PID1: variants seen among roughly 807,000 people sequenced by gnomAD.
PID1 encodes phosphotyrosine interaction domain containing 1.
A neutral mutation model predicts 19.1 loss-of-function variants in PID1; 10 were observed. The ratio of observed to expected loss-of-function variants is 0.52; its 90% CI spans 0.32 to 0.89. PID1 has a LOEUF of 0.89. PID1 is among the 40% of genes least tolerant of loss of function. PID1 has a pLI of 0.03. For missense variants in PID1, 248 were observed against 285.3 expected (o/e 0.87, Z 0.94); for synonymous variants, 130 against 116.0 (o/e 1.12, Z -0.78).
intron 2 of PID1, among the ~76,000 whole-genome samples, chr2:229,041,951 T>C (rs1188375372): frequency 6.6e-6 from 1 of 152,228 alleles, no homozygotes; most frequent in African/African-American, 2.4e-5. Context: ...ACTCATTTAC[T>C]TTTAGTTTGA....
At chr2:229,238,550 A>C (rs1303541056) in intron 1 of PID1, among the ~76,000 whole-genome samples, 1 of 152,214 alleles carries the variant, frequency 6.6e-6, no homozygotes, top group East Asian at 1.9e-4. Flanking sequence ...TTACGAATAA[A>C]GTACAGCATT....
At chr2:229,033,605 AC>A (rs1693600705) in intron 2 of PID1, among the ~76,000 whole-genome samples, 1 of 152,028 alleles carries the variant, frequency 6.6e-6, no homozygotes, top group Non-Finnish European at 1.5e-5. Flanking sequence ...GGTGCAGCAA[AC>A]CACCATGGCA....
At chr2:229,139,191 C>T (rs552644660) in intron 2 of PID1, among the ~76,000 whole-genome samples, 1 of 152,142 alleles carries the variant, frequency 6.6e-6, no homozygotes, top group Admixed American at 6.5e-5. Flanking sequence ...CAAACACTCC[C>T]TTGGAATACA....
At chr2:229,097,619 A>G (rs1201178162) in intron 2 of PID1, among the ~76,000 whole-genome samples, 2 of 152,200 alleles carry the variant, frequency 1.3e-5, no homozygotes. Context: ...AGTATATTAA[A>G]GACTGAAGCA....
At chr2:229,218,409 T>C (rs1312318094) in intron 1 of PID1, among the ~76,000 whole-genome samples, 1 of 152,034 alleles carries the variant, frequency 6.6e-6, no homozygotes, top group African/African-American at 2.4e-5. Context: ...GTCCATATAC[T>C]GTCAAGTTGC....
At chr2:229,058,167 A>T (rs31279) in intron 2 of PID1, among the ~76,000 whole-genome samples, 151,603 of 152,334 alleles carry the variant, frequency 1, 75,447 homozygotes, top group Non-Finnish European at 1. Flanking sequence ...CTATATTACA[A>T]CATCCCAGGA....
rs1559251552 is a variant in PID1, at chr2:229,139,056, AG to A, written c.177+16761del. ...GAAAGAAAGAGAAAGAAAGAAAGAAAGAGAAAGAAAGAAAGAAAGAAAGAAA... is the reference window on the plus strand; with the variant it reads ...GAAAGAAAGAGAAAGAAAGAAAGAAAAGAAAGAAAGAAAGAAAGAAAGAAA... On this transcript the variant is annotated intron_variant, in intron 2 of 2. Coordinates refer to ENST00000392055, the MANE Select transcript of PID1 (RefSeq NM_001100818.2). Among the ~76,000 whole-genome samples the A allele has an allele frequency of 9.7e-4, 44 of 45,228 alleles. 1 individual carries two copies. The highest frequency in any genetic ancestry group is 8.5e-3 in the East Asian group (13 of 1,536). 29.7% of individuals were successfully genotyped at this position (45,228 alleles called of 152,430 possible). A position where few individuals can be genotyped will look rare whatever the true frequency, so the allele number is the denominator to read the frequency against.
At chr2:229,039,526 T>G (rs1434986029) in intron 2 of PID1, among the ~76,000 whole-genome samples, 1 of 152,172 alleles carries the variant, frequency 6.6e-6, no homozygotes, top group Non-Finnish European at 1.5e-5. Context: ...CTATTTAAAC[T>G]TAGAACAAAA....
intron 2 of PID1, among the ~76,000 whole-genome samples, chr2:229,114,773 C>T (rs1488160129): frequency 6.6e-6 from 1 of 152,190 alleles, no homozygotes; most frequent in African/African-American, 2.4e-5. Flanking sequence ...TTTATATACA[C>T]TTGTCTTCTT....
At chr2:229,152,528 T>C (rs928422081) in intron 2 of PID1, among the ~76,000 whole-genome samples, 15 of 151,998 alleles carry the variant, frequency 9.9e-5, no homozygotes, top group South Asian at 6.2e-4. Flanking sequence ...TCTTGCTAGA[T>C]AGGAGGAGAA....
intron 2 of PID1, among the ~76,000 whole-genome samples, chr2:229,144,412 T>G (rs1690082991): frequency 6.6e-6 from 1 of 152,140 alleles, no homozygotes; most frequent in Non-Finnish European, 1.5e-5. Context: ...GGGGAACATA[T>G]TGATAGTCAT....
chr2:229,060,593 C>T (rs1005577421), intron 2 of PID1, among the ~76,000 whole-genome samples: 5 of 152,028 alleles, frequency 3.3e-5, no homozygotes, highest in South Asian at 2.1e-4. Flanking sequence ...GATCACAGAT[C>T]TCTTTCGCAC....
chr2:229,093,754 T>C (rs1376117694), intron 2 of PID1, among the ~76,000 whole-genome samples: 2 of 89,830 alleles, frequency 2.2e-5, no homozygotes, highest in Non-Finnish European at 5.6e-5. Context: ...TAGCATGGCT[T>C]TATGATAAAA....
At chr2:229,108,545 C>A (rs1002193107) in intron 2 of PID1, among the ~76,000 whole-genome samples, 1 of 152,094 alleles carries the variant, frequency 6.6e-6, no homozygotes, top group African/African-American at 2.4e-5. Context: ...GAGAGCAATT[C>A]CTGAAGGATA....
At chr2:229,134,442 C>T (rs1689817008) in intron 2 of PID1, among the ~76,000 whole-genome samples, 2 of 150,978 alleles carry the variant, frequency 1.3e-5, no homozygotes, top group African/African-American at 4.9e-5. Flanking sequence ...CAGGGTTTCA[C>T]TATGCGGGCC....
chr2:229,171,587 T>C lies in PID1; in HGVS notation c.31-15623A>G, dbSNP rs541229264. ...GCCTGAACTGTACCTTGTGCAATAATTCATACTTTCATAGCATTTGTAACA... is the reference window on the plus strand; with the variant it reads ...GCCTGAACTGTACCTTGTGCAATAACTCATACTTTCATAGCATTTGTAACA... On this transcript the variant is annotated intron_variant, in intron 1 of 2. Coordinates refer to ENST00000392055, the MANE Select transcript of PID1 (RefSeq NM_001100818.2). Among the ~76,000 whole-genome samples, 20 of 152,324 alleles carry C rather than the reference T, an allele frequency of 1.3e-4. No homozygotes were observed. In the South Asian group the frequency reaches 3.9e-3, roughly 30 times the overall value.
At chr2:229,168,386 G>A (rs1690645093) in intron 1 of PID1, among the ~76,000 whole-genome samples, 1 of 151,974 alleles carries the variant, frequency 6.6e-6, no homozygotes, top group South Asian at 2.1e-4. Flanking sequence ...TTCAGTTTGG[G>A]TAATTTCTCT....
chr2:229,035,030 T>C (rs953821881), intron 2 of PID1, among the ~76,000 whole-genome samples: 1 of 152,128 alleles, frequency 6.6e-6, no homozygotes, highest in Non-Finnish European at 1.5e-5. Context: ...TGTGACTCCT[T>C]AAGCTAACTT....
At chr2:229,059,178 A>G (rs1694161665) in intron 2 of PID1, among the ~76,000 whole-genome samples, 2 of 152,216 alleles carry the variant, frequency 1.3e-5, no homozygotes, top group Admixed American at 6.5e-5. Context: ...TGAGAAACAG[A>G]ATAGAATTGA....
Sources: allele counts gnomAD v4.1 joint callset (sites outside exome capture counted in the v4.1 genomes callset), GRCh38; gene constraint gnomAD v4.1.1; transcripts MANE v1.5; gene names NCBI Gene and HGNC (gene_info 2026-07-23, HGNC 2026-07-21).